TTC29: variants seen among roughly 807,000 people sequenced by gnomAD.
TTC29 encodes the protein tetratricopeptide repeat domain 29.
In TTC29, 49 loss-of-function variants were observed where a neutral mutation model predicts 58.1. The ratio of observed to expected loss-of-function variants is 0.84; its 90% CI spans 0.67 to 1.07. The LOEUF (loss-of-function observed/expected upper bound fraction) is 1.07. Ranked by LOEUF, TTC29 falls within the 50% of genes least tolerant of loss-of-function variation. The probability of loss-of-function intolerance (pLI) is 0.00; values close to 1 mark genes in which losing one functional copy is unlikely to be tolerated. For missense variants in TTC29, 582 were observed against 555.6 expected, an observed-to-expected ratio of 1.05 and a Z score of -0.48; for synonymous variants, 209 against 196.8, an observed-to-expected ratio of 1.06 and a Z score of -0.52.
chr4:146,770,221 G>A (rs1410388692), intron 11 of TTC29, among the ~76,000 whole-genome samples: 1 of 151,846 alleles, frequency 6.6e-6, no homozygotes, highest in Non-Finnish European at 1.5e-5. Context: ...TAACAGTGGA[G>A]TCTGAAGTGC....
chr4:146,778,947 A>T (rs1748333706), intron 11 of TTC29, among the ~76,000 whole-genome samples: 1 of 147,560 alleles, frequency 6.8e-6, no homozygotes, highest in Admixed American at 6.8e-5. Flanking sequence ...TATCCATGTA[A>T]CACAACTGCA....
At chr4:146,930,542 A>G (rs1275063511) in intron 4 of TTC29, among the ~76,000 whole-genome samples, 1 of 152,182 alleles carries the variant, frequency 6.6e-6, no homozygotes, top group African/African-American at 2.4e-5. Flanking sequence ...CCAATTTCCA[A>G]TATAGAAAAC....
chr4:146,796,160 TA>T (rs1749821545), intron 11 of TTC29, among the ~76,000 whole-genome samples: 1 of 151,080 alleles, frequency 6.6e-6, no homozygotes, highest in Non-Finnish European at 1.5e-5. Flanking sequence ...TTAAAACTGG[TA>T]ACACCACCAG....
chr4:146,793,220 T>A (rs1475183309), intron 11 of TTC29, among the ~76,000 whole-genome samples: 1 of 152,182 alleles, frequency 6.6e-6, no homozygotes, highest in East Asian at 1.9e-4. Flanking sequence ...GGTAAAATGC[T>A]ATCAAACAGC....
At chr4:146,828,672 A>G (rs1561166059) in intron 9 of TTC29, among the ~76,000 whole-genome samples, 2 of 152,136 alleles carry the variant, frequency 1.3e-5, no homozygotes, top group Non-Finnish European at 2.9e-5. Flanking sequence ...GAGAAACACA[A>G]AATAGTATAA....
intron 8 of TTC29, among the ~76,000 whole-genome samples, chr4:146,864,010 C>G (rs768828184): frequency 6.6e-6 from 1 of 152,278 alleles, no homozygotes; most frequent in East Asian, 1.9e-4. Context: ...AGAAATGTTT[C>G]GCCAGCTATC....
chr4:146,777,326 C>T (rs1748181137), intron 11 of TTC29, among the ~76,000 whole-genome samples: 2 of 152,128 alleles, frequency 1.3e-5, no homozygotes, highest in Non-Finnish European at 2.9e-5. Context: ...CCTTTGCCAA[C>T]TCATCTGCCA....
At chr4:146,890,463 G>A (rs1732275653) in intron 6 of TTC29, among the ~76,000 whole-genome samples, 1 of 152,146 alleles carries the variant, frequency 6.6e-6, no homozygotes, top group African/African-American at 2.4e-5. Flanking sequence ...GCTGGAGGTA[G>A]AAAGGCCCAC....
chr4:146,919,799 A>G (rs1734465991), intron 4 of TTC29, among the ~76,000 whole-genome samples: 1 of 151,178 alleles, frequency 6.6e-6, no homozygotes, highest in African/African-American at 2.4e-5. Context: ...AACTTCCCAT[A>G]TACATTCAGG....
intron 11 of TTC29, among the ~76,000 whole-genome samples, chr4:146,775,999 TTTTC>T (rs923438018): frequency 6.6e-6 from 1 of 152,210 alleles, no homozygotes; most frequent in African/African-American, 2.4e-5. Context: ...CTTTATTGTT[TTTTC>T]TTTATTTTTG....
chr4:146,892,374 T>C (rs1419319967), intron 6 of TTC29, among the ~76,000 whole-genome samples: 1 of 152,180 alleles, frequency 6.6e-6, no homozygotes, highest in East Asian at 1.9e-4. Flanking sequence ...CAAGGCTGGT[T>C]CAACATACGC....
chr4:146,941,078 G>A (rs1736346309), intron 2 of TTC29, among the ~76,000 whole-genome samples: 1 of 152,180 alleles, frequency 6.6e-6, no homozygotes, highest in Non-Finnish European at 1.5e-5. Context: ...TTCCAAAGAG[G>A]AAGAAGTGTG....
At chr4:146,867,728 G>GA (rs771683780) in intron 7 of TTC29, 145 bp from the exon 8 acceptor site, 1,093 of 422,250 alleles carry the variant, frequency 2.6e-3, no homozygotes, top group East Asian at 3.7e-3. Context: ...GCTATATACT[G>GA]AAAAAAAAAG....
At chr4:146,827,769 A>G (rs1727906825) in intron 9 of TTC29, among the ~76,000 whole-genome samples, 1 of 152,186 alleles carries the variant, frequency 6.6e-6, no homozygotes, top group Non-Finnish European at 1.5e-5. Flanking sequence ...CAGTGAAATA[A>G]ACAACTATCA....
chr4:146,816,252 T>C (rs991868751), intron 10 of TTC29, among the ~76,000 whole-genome samples: 1 of 152,204 alleles, frequency 6.6e-6, no homozygotes, highest in African/African-American at 2.4e-5. Context: ...ATACTGCATA[T>C]ATTCATATAC....
intron 6 of TTC29, among the ~76,000 whole-genome samples, chr4:146,878,041 G>A (rs545520099): frequency 7.2e-5 from 11 of 152,148 alleles, no homozygotes; most frequent in Middle Eastern, 3.4e-3. Flanking sequence ...TTCCTTATCC[G>A]CCAGACGTCC....
intron 11 of TTC29, among the ~76,000 whole-genome samples, chr4:146,783,525 T>G (rs565737268): frequency 9.4e-4 from 143 of 152,200 alleles, no homozygotes; most frequent in Non-Finnish European, 1.7e-3. Flanking sequence ...AATGTTTTAT[T>G]ATAAAATATA....
At chr4:146,732,545 A>G (rs1744415887) in intron 11 of TTC29, among the ~76,000 whole-genome samples, 1 of 152,170 alleles carries the variant, frequency 6.6e-6, no homozygotes, top group Non-Finnish European at 1.5e-5. Flanking sequence ...GGCTTTGTGG[A>G]GGGCAGCGAA....
chr4:146,890,944 A>G (rs1412550008), intron 6 of TTC29, among the ~76,000 whole-genome samples: 1 of 152,088 alleles, frequency 6.6e-6, no homozygotes, highest in Admixed American at 6.6e-5. Flanking sequence ...AGCTATTGGA[A>G]GAGACATAAT....
Sources: allele counts gnomAD v4.1 joint callset (sites outside exome capture counted in the v4.1 genomes callset), GRCh38; gene constraint gnomAD v4.1.1; transcripts MANE v1.5; gene names NCBI Gene and HGNC (gene_info 2026-07-23, HGNC 2026-07-21).